Variants in PCDH15 observed in about 807,000 individuals in gnomAD.
PCDH15 encodes protocadherin-15.
PCDH15 carries 129 observed loss-of-function variants against 178.5 expected under a neutral mutation model. That is an observed-to-expected ratio of 0.72 (90% CI 0.63 to 0.84). The LOEUF is 0.84. Ranked by LOEUF, PCDH15 falls within the 40% of genes least tolerant of loss-of-function variation. The pLI is 0.00. For missense variants in PCDH15, 2,230 were observed against 2,099.9 expected (o/e 1.06, Z -1.21); for synonymous variants, 800 against 732.0 (o/e 1.09, Z -1.50).
chr10:54,635,494 CAT>C (rs1412094057), intron 2 of PCDH15, among the ~76,000 whole-genome samples: 3 of 151,738 alleles, frequency 2.0e-5, no homozygotes, highest in Admixed American at 2.0e-4. Flanking sequence ...AGTTCTATTA[CAT>C]GGAAATTGTG....
chr10:53,869,819 C>T (rs7894848), intron 26 of PCDH15, among the ~76,000 whole-genome samples: 1 of 152,120 alleles, frequency 6.6e-6, no homozygotes. Context: ...GCACTTCATG[C>T]ACTTGGAGTC....
chr10:54,562,136 G>A lies in PCDH15; in HGVS notation c.92-34259C>T, dbSNP rs571913540. Among the ~76,000 whole-genome samples, 43 of 151,468 alleles carry A rather than the reference G, an allele frequency of 2.8e-4. 1 individual carries two copies. The South Asian group carries it at 6.9e-3, about 24-fold the overall frequency. ...CTCCCAAGTAGCTGTGAATACAGGC[G>A]CCTACCACCACACCCAGCTAATTTT... On this transcript the variant is annotated intron_variant, in intron 2 of 37. Coordinates refer to ENST00000644397, the MANE Select transcript of PCDH15 (RefSeq NM_001384140.1).
intron 1 of PCDH15, among the ~76,000 whole-genome samples, chr10:55,210,604 TTC>T (rs1221038045): frequency 2.0e-5 from 3 of 147,692 alleles, no homozygotes; most frequent in Non-Finnish European, 3.0e-5. Context: ...CGATTTTTTT[TTC>T]TTTTTTCTTT....
intron 3 of PCDH15, among the ~76,000 whole-genome samples, chr10:54,818,659 T>C (rs1259989661): frequency 2.0e-5 from 3 of 152,052 alleles, no homozygotes; most frequent in African/African-American, 7.2e-5. Flanking sequence ...TGAGATTACA[T>C]GAAGACAATG....
At chr10:54,561,380 G>C (rs1420070798) in intron 2 of PCDH15, among the ~76,000 whole-genome samples, 2 of 152,134 alleles carry the variant, frequency 1.3e-5, no homozygotes, top group East Asian at 1.9e-4. Flanking sequence ...GACAAGGCAA[G>C]ATATGTAATA....
At chr10:55,391,620 G>A (rs1467609399) in intron 2 of PCDH15, among the ~76,000 whole-genome samples, 1 of 151,862 alleles carries the variant, frequency 6.6e-6, no homozygotes, top group African/African-American at 2.4e-5. Flanking sequence ...CTGAGTAGTG[G>A]GGATTACAGG....
chr10:54,996,952 T>C (rs1294571239), intron 2 of PCDH15, among the ~76,000 whole-genome samples: 1 of 151,856 alleles, frequency 6.6e-6, no homozygotes. Context: ...GTACTAAAAA[T>C]ACAAAAATTA....
chr10:54,461,926 T>C (rs2077190131), intron 3 of PCDH15, among the ~76,000 whole-genome samples: 1 of 152,086 alleles, frequency 6.6e-6, no homozygotes, highest in Non-Finnish European at 1.5e-5. Context: ...AAATATTCAT[T>C]TTTCAGCATA....
At position 54,588,719 on chromosome 10, in the gene PCDH15, T is replaced by C. The variant is rs1173314550; in HGVS notation, c.92-60842A>G. 3.9e-5 allele frequency among the ~76,000 whole-genome samples: 6 copies of C among 152,136 alleles called. No homozygotes were observed. In the East Asian group the frequency reaches 1.2e-3, roughly 30 times the overall value. On this transcript the variant is annotated intron_variant, in intron 2 of 37. Transcript: ENST00000644397. Reference sequence around the variant, plus strand: ...GCCTCCCAAGCAGCTGTGACTACAGTTGCATGTGACCACACCCAGCTAATT... The same window carrying C: ...GCCTCCCAAGCAGCTGTGACTACAGCTGCATGTGACCACACCCAGCTAATT...
At chr10:54,777,288 G>A (rs1198187848) in intron 1 of PCDH15, among the ~76,000 whole-genome samples, 2 of 152,308 alleles carry the variant, frequency 1.3e-5, no homozygotes, top group African/African-American at 2.4e-5. Context: ...TCAGCAGGGT[G>A]CGGATGTGTA....
chr10:54,838,183 C>T (rs531352891), intron 3 of PCDH15, among the ~76,000 whole-genome samples: 1 of 152,006 alleles, frequency 6.6e-6, no homozygotes, highest in Non-Finnish European at 1.5e-5. Flanking sequence ...TCAGTCCTGT[C>T]CACCTAGTGA....
At chr10:54,044,798 C>T (rs148129000) in intron 18 of PCDH15, among the ~76,000 whole-genome samples, 86 of 152,190 alleles carry the variant, frequency 5.7e-4, no homozygotes, top group South Asian at 1.5e-3. Context: ...AAACTAAAGC[C>T]GCATCATTGT....
At chr10:55,278,369 T>C (rs1320820487) in intron 1 of PCDH15, among the ~76,000 whole-genome samples, 1 of 152,188 alleles carries the variant, frequency 6.6e-6, no homozygotes, top group East Asian at 1.9e-4. Flanking sequence ...TTTTCCTTTT[T>C]TGTCTTTCAT....
intron 2 of PCDH15, among the ~76,000 whole-genome samples, chr10:54,533,586 T>A (rs868502815): frequency 1.3e-5 from 2 of 152,318 alleles, no homozygotes; most frequent in African/African-American, 4.8e-5. Flanking sequence ...CTTAAAGGAA[T>A]AAAACTAAGA....
chr10:55,244,630 C>A (rs1442172861), intron 1 of PCDH15, among the ~76,000 whole-genome samples: 2 of 151,818 alleles, frequency 1.3e-5, no homozygotes, highest in Non-Finnish European at 2.9e-5. Context: ...CCAGAATTTT[C>A]TAGTTCCTCA....
At chr10:54,626,688 G>A (rs1236537047) in intron 2 of PCDH15, among the ~76,000 whole-genome samples, 2 of 152,214 alleles carry the variant, frequency 1.3e-5, no homozygotes, top group African/African-American at 2.4e-5. Context: ...CTAGGGCAGT[G>A]CAGAAGGGAA....
At chr10:54,298,985 C>T (rs7917743) in intron 8 of PCDH15, among the ~76,000 whole-genome samples, 32,563 of 152,112 alleles carry the variant, frequency 0.21, 3,582 homozygotes, top group Admixed American at 0.24. Context: ...TGGGGGAACC[C>T]CCATTAAATA....
intron 1 of PCDH15, among the ~76,000 whole-genome samples, chr10:55,209,486 T>C (rs1025927165): frequency 2.0e-5 from 3 of 151,580 alleles, no homozygotes; most frequent in Non-Finnish European, 2.9e-5. Flanking sequence ...TGAGCACAAG[T>C]GAAGGTGATG....
chr10:53,889,408 C>A (rs1419440379), intron 26 of PCDH15, among the ~76,000 whole-genome samples: 1 of 151,468 alleles, frequency 6.6e-6, no homozygotes, highest in Non-Finnish European at 1.5e-5. Context: ...AGAAAGAGAC[C>A]AAAATAGTCG....
Sources: gnomAD v4.1 joint callset for allele counts (sites outside exome capture counted in the v4.1 genomes callset) on GRCh38, gnomAD v4.1.1 for gene constraint, MANE v1.5 for transcripts, NCBI Gene and HGNC (gene_info 2026-07-23, HGNC 2026-07-21) for gene names.